Variants in AP1S3 observed in about 807,000 individuals in gnomAD.
AP1S3 encodes adaptor related protein complex 1 subunit sigma 3.
A neutral mutation model predicts 20.9 loss-of-function variants in AP1S3; 10 were observed. The ratio of observed to expected loss-of-function variants is 0.48; its 90% CI spans 0.29 to 0.81. The LOEUF is 0.81. Ranked by LOEUF, AP1S3 falls within the 30% of genes least tolerant of loss-of-function variation. AP1S3 has a pLI of 0.08. For missense variants in AP1S3, 154 were observed against 183.8 expected, an observed-to-expected ratio of 0.84 and a Z score of 0.94; for synonymous variants, 41 against 61.5, an observed-to-expected ratio of 0.67 and a Z score of 1.56.
rs953151281 is a variant in AP1S3, at chr2:223,755,921, T to C, written c.*2794A>G. 2.5e-5 allele frequency: 25 copies of C among 985,308 alleles called. No homozygotes were observed. Among genetic ancestry groups the C allele is most frequent in the Admixed American group, 6.2e-5 (1 of 16,260 alleles). 61.0% of individuals were successfully genotyped at this position (985,308 alleles called of 1,614,324 possible). ...GTCTAATATGGAATTATCCAGAACA[T>C]GTGTAGTATATTTGAATGAGGTTCA... is the stretch of plus-strand genomic sequence containing the variant. On this transcript the variant is annotated 3_prime_UTR_variant, in exon 5 of 5. Coordinates refer to ENST00000396654, the MANE Select transcript of AP1S3 (RefSeq NM_001039569.2).
intron 1 of AP1S3, among the ~76,000 whole-genome samples, chr2:223,813,029 A>T (rs922396735): frequency 6.6e-6 from 1 of 151,950 alleles, no homozygotes; most frequent in Non-Finnish European, 1.5e-5. Context: ...CCCAGACTCC[A>T]GTGATTCTCC....
chr2:223,821,586 C>T (rs1691986996), intron 1 of AP1S3, among the ~76,000 whole-genome samples: 1 of 152,204 alleles, frequency 6.6e-6, no homozygotes, highest in Admixed American at 6.5e-5. Flanking sequence ...ACTGCACTTA[C>T]TATAGCAGCT....
At position 223,761,196 on chromosome 2, in the gene AP1S3, G is replaced by C. The variant is rs187084760; in HGVS notation, c.430-2446C>G. Among the ~76,000 whole-genome samples, 6 of 152,350 alleles carry C rather than the reference G, an allele frequency of 3.9e-5. No homozygotes were observed. The East Asian group carries it at 5.8e-4, about 15-fold the overall frequency. Reference sequence around the variant, plus strand: ...TAGTTGCTCTTACCTTCTCAAGACAGGAGCTGGAGTCTGTATCTTGGGTCC... The same window carrying C: ...TAGTTGCTCTTACCTTCTCAAGACACGAGCTGGAGTCTGTATCTTGGGTCC... On this transcript the variant is annotated intron_variant, in intron 4 of 4. Coordinates refer to ENST00000396654, the MANE Select transcript of AP1S3 (RefSeq NM_001039569.2).
Position 223,803,237 on chromosome 2 carries a change from T to C in AP1S3, c.4-25368A>G, listed in dbSNP as rs1373957497. Among the ~76,000 whole-genome samples, 10 of 152,236 alleles carry C rather than the reference T, an allele frequency of 6.6e-5. No homozygotes were observed. In the East Asian group the frequency reaches 1.2e-3, roughly 18 times the overall value. The stretch of plus-strand genomic sequence containing the variant: ...TTCAAGCAGGTCATAAATTTTCTTA[T>C]AAATTCACTCTTTCAGAAAGTTAAA... On this transcript the variant is annotated intron_variant, in intron 1 of 4. Coordinates refer to ENST00000396654, the MANE Select transcript of AP1S3 (RefSeq NM_001039569.2).
intron 1 of AP1S3, among the ~76,000 whole-genome samples, chr2:223,820,681 A>C (rs573676676): frequency 9.9e-5 from 15 of 151,904 alleles, no homozygotes; most frequent in African/African-American, 2.2e-4. Flanking sequence ...AAAAAAAAAA[A>C]AAACAAGCCA....
chr2:223,783,483 C>T (rs138959386), intron 1 of AP1S3, among the ~76,000 whole-genome samples: 23 of 152,358 alleles, frequency 1.5e-4, no homozygotes, highest in Admixed American at 1.2e-3. Flanking sequence ...CTTATTTAGA[C>T]TCAGAACGCA....
intron 1 of AP1S3, among the ~76,000 whole-genome samples, chr2:223,781,622 C>T (rs1301973580): frequency 6.6e-6 from 1 of 152,026 alleles, no homozygotes; most frequent in East Asian, 1.9e-4. Context: ...AATAATCAAA[C>T]ACTACCTTCT....
At chr2:223,805,708 C>G (rs532891714) in intron 1 of AP1S3, among the ~76,000 whole-genome samples, 1 of 152,210 alleles carries the variant, frequency 6.6e-6, no homozygotes, top group South Asian at 2.1e-4. Context: ...AAATAGCTGG[C>G]ATTTCTTAAA....
chr2:223,786,514 G>C (rs745830076), intron 1 of AP1S3, among the ~76,000 whole-genome samples: 1 of 151,958 alleles, frequency 6.6e-6, no homozygotes, highest in Non-Finnish European at 1.5e-5. Flanking sequence ...AGCACTTTGG[G>C]AAGCTGAGAC....
intron 1 of AP1S3, among the ~76,000 whole-genome samples, chr2:223,813,541 C>G (rs1469014924): frequency 6.6e-6 from 1 of 152,162 alleles, no homozygotes; most frequent in Non-Finnish European, 1.5e-5. Flanking sequence ...GGTCACACAG[C>G]TATAAGTGGT....
intron 1 of AP1S3, among the ~76,000 whole-genome samples, chr2:223,824,200 G>T (rs1161100770): frequency 6.7e-6 from 1 of 150,050 alleles, no homozygotes; most frequent in Non-Finnish European, 1.5e-5. Flanking sequence ...ATGGGGTTTT[G>T]CCATATTGCC....
At chr2:223,818,215 G>A (rs1213147621) in intron 1 of AP1S3, among the ~76,000 whole-genome samples, 2 of 152,076 alleles carry the variant, frequency 1.3e-5, no homozygotes, top group Non-Finnish European at 2.9e-5. Flanking sequence ...TTAAGAGTTT[G>A]AGCCCAGGCT....
chr2:223,833,273 C>CATAT (rs1692319771), intron 1 of AP1S3, among the ~76,000 whole-genome samples: 1 of 151,832 alleles, frequency 6.6e-6, no homozygotes, highest in African/African-American at 2.4e-5. Context: ...TACATACATA[C>CATAT]ATACATACAT....
chr2:223,768,085 G>GT (rs1352612070), intron 3 of AP1S3, among the ~76,000 whole-genome samples: 1 of 152,168 alleles, frequency 6.6e-6, no homozygotes, highest in Admixed American at 6.5e-5. Context: ...CCTCTCCAGT[G>GT]TAAGGTCTTC....
chr2:223,804,822 T>G (rs1691543153), intron 1 of AP1S3, among the ~76,000 whole-genome samples: 1 of 150,856 alleles, frequency 6.6e-6, no homozygotes, highest in Non-Finnish European at 1.5e-5. Context: ...ATCTGCAAAT[T>G]ATGTTTGGGC....
intron 1 of AP1S3, among the ~76,000 whole-genome samples, chr2:223,784,665 A>G (rs974069083): frequency 1.8e-4 from 27 of 152,166 alleles, no homozygotes; most frequent in African/African-American, 4.8e-4. Context: ...CAAGAGTCCT[A>G]TAAGTGCCCA....
At chr2:223,818,390 C>G (rs1270956148) in intron 1 of AP1S3, among the ~76,000 whole-genome samples, 1 of 148,638 alleles carries the variant, frequency 6.7e-6, no homozygotes, top group Non-Finnish European at 1.5e-5. Flanking sequence ...GCACTCCAGC[C>G]TGGGCAACAG....
intron 1 of AP1S3, among the ~76,000 whole-genome samples, chr2:223,790,348 C>T (rs1347287731): frequency 6.6e-6 from 1 of 151,574 alleles, no homozygotes; most frequent in Non-Finnish European, 1.5e-5. Context: ...TCTCCTACCT[C>T]AGCCTCCTGA....
chr2:223,780,353 A>AGT (rs1559280869), intron 1 of AP1S3, among the ~76,000 whole-genome samples: 31 of 58,570 alleles, frequency 5.3e-4, no homozygotes, highest in East Asian at 7.2e-4. Flanking sequence ...AGAGAGAGAG[A>AGT]GAGAGTGTGT....
Sources: allele counts gnomAD v4.1 joint callset (sites outside exome capture counted in the v4.1 genomes callset), GRCh38; gene constraint gnomAD v4.1.1; transcripts MANE v1.5; gene names NCBI Gene and HGNC (gene_info 2026-07-23, HGNC 2026-07-21).